Variants in TNFSF4 observed in about 807,000 individuals in gnomAD.
The protein encoded by TNFSF4 is TNF superfamily member 4.
Under a neutral mutation model 7.3 loss-of-function variants are expected in TNFSF4, and 4 were observed. The observed-to-expected ratio is 0.55, with a 90% CI of 0.27 to 1.25. The LOEUF is 1.25. Ranked by LOEUF, TNFSF4 falls within the 50% of genes most tolerant of loss-of-function variation. TNFSF4 has a pLI of 0.12. For missense variants in TNFSF4, 181 were observed against 208.8 expected (o/e 0.87, Z 0.82); for synonymous variants, 76 against 83.7 (o/e 0.91, Z 0.50).
chr1:173,386,353 A>T, the TNFSF4 span, among the ~76,000 whole-genome samples: 1 of 152,210 alleles, frequency 6.6e-6, no homozygotes, highest in South Asian at 2.1e-4. Flanking sequence ...GGAGTTCAAG[A>T]GCTATGAAGT....
intron 1 of TNFSF4, among the ~76,000 whole-genome samples, chr1:173,190,499 G>A (rs1434164151): frequency 6.6e-6 from 1 of 152,184 alleles, no homozygotes; most frequent in Non-Finnish European, 1.5e-5. Flanking sequence ...GCCCTGCCAG[G>A]GACTGGGCTG....
chr1:173,283,157 T>C, the TNFSF4 span, among the ~76,000 whole-genome samples: 1 of 152,176 alleles, frequency 6.6e-6, no homozygotes, highest in African/African-American at 2.4e-5. Context: ...CACTTTAGCC[T>C]ATGTGGTGGG....
At chr1:173,268,940 A>T in the TNFSF4 span, among the ~76,000 whole-genome samples, 1 of 152,124 alleles carries the variant, frequency 6.6e-6, no homozygotes, top group African/African-American at 2.4e-5. Context: ...AGTGGTGCTG[A>T]TAAAGACCAC....
At chr1:173,180,490 C>T (rs1649036344), downstream of TNFSF4, among the ~76,000 whole-genome samples, 1 of 152,122 alleles carries the variant, frequency 6.6e-6, no homozygotes, top group South Asian at 2.1e-4. Context: ...TGCTCTGTCT[C>T]AGGTCTCCTT....
At chr1:173,321,005 G>C in the TNFSF4 span, among the ~76,000 whole-genome samples, 3 of 152,154 alleles carry the variant, frequency 2.0e-5, no homozygotes, top group Admixed American at 1.3e-4. Context: ...AACCAAAAAA[G>C]AGCCCATATA....
the TNFSF4 span, among the ~76,000 whole-genome samples, chr1:173,323,838 G>T: frequency 6.6e-6 from 1 of 152,170 alleles, no homozygotes; most frequent in Admixed American, 6.5e-5. Flanking sequence ...AATGAACAAA[G>T]CCTGCAAGAA....
the TNFSF4 span, among the ~76,000 whole-genome samples, chr1:173,283,392 A>G: frequency 6.6e-6 from 1 of 152,154 alleles, no homozygotes; most frequent in Non-Finnish European, 1.5e-5. Context: ...AGTATTGCAG[A>G]TAACTGAGAA....
the TNFSF4 span, among the ~76,000 whole-genome samples, chr1:173,368,229 T>G: frequency 1.4e-4 from 22 of 152,124 alleles, no homozygotes; most frequent in Admixed American, 1.4e-3. Flanking sequence ...TTCCACACTG[T>G]GGAAGCTTTG....
chr1:173,319,080 C>T, the TNFSF4 span, among the ~76,000 whole-genome samples: 2 of 152,176 alleles, frequency 1.3e-5, no homozygotes, highest in Admixed American at 1.3e-4. Context: ...GCTCAGCAAG[C>T]TAAGAACCAC....
the TNFSF4 span, among the ~76,000 whole-genome samples, chr1:173,327,210 C>T: frequency 6.6e-6 from 1 of 152,166 alleles, no homozygotes; most frequent in East Asian, 1.9e-4. Context: ...AGAAATAACG[C>T]CGCATATCTA....
the TNFSF4 span, among the ~76,000 whole-genome samples, chr1:173,316,209 T>A: frequency 6.6e-6 from 1 of 152,110 alleles, no homozygotes; most frequent in East Asian, 1.9e-4. Flanking sequence ...TTGTCAAAAA[T>A]AAGTTGACCA....
the TNFSF4 span, among the ~76,000 whole-genome samples, chr1:173,335,691 T>G: frequency 6.6e-6 from 1 of 152,206 alleles, no homozygotes; most frequent in African/African-American, 2.4e-5. Context: ...CACAGGGTGA[T>G]GTCCCCTCTA....
chr1:173,308,259 CTCTCTCTT>C, the TNFSF4 span, among the ~76,000 whole-genome samples: 1 of 114,102 alleles, frequency 8.8e-6, no homozygotes, highest in Non-Finnish European at 1.8e-5. Flanking sequence ...TCCCACTCCT[CTCTCTCTT>C]TCTCTCTCTC....
the TNFSF4 span, among the ~76,000 whole-genome samples, chr1:173,435,691 T>C: frequency 2.6e-5 from 4 of 152,244 alleles, no homozygotes; most frequent in Non-Finnish European, 4.4e-5. Flanking sequence ...ATGCAATCAA[T>C]TTAAAATTTC....
At chr1:173,322,344 G>A in the TNFSF4 span, among the ~76,000 whole-genome samples, 2 of 152,084 alleles carry the variant, frequency 1.3e-5, no homozygotes, top group South Asian at 2.1e-4. Flanking sequence ...GGGGGCAAGG[G>A]GAGGGAGAGC....
chr1:173,313,427 C>G, the TNFSF4 span, among the ~76,000 whole-genome samples: 1 of 152,080 alleles, frequency 6.6e-6, no homozygotes, highest in Non-Finnish European at 1.5e-5. Context: ...CGCTTGAGAA[C>G]TCTTTTGGAA....
the TNFSF4 span, among the ~76,000 whole-genome samples, chr1:173,388,806 C>T: frequency 2.6e-5 from 4 of 152,220 alleles, no homozygotes; most frequent in African/African-American, 9.6e-5. Context: ...ATTTCTGTGT[C>T]AATTTCTAAT....
chr1:173,203,330 C>T (rs1488952986), intron 1 of TNFSF4, among the ~76,000 whole-genome samples: 1 of 152,098 alleles, frequency 6.6e-6, no homozygotes, highest in African/African-American at 2.4e-5. Context: ...CCTTTAGAAG[C>T]CTCAAAATGC....
chr1:173,243,214 T>C, the TNFSF4 span, among the ~76,000 whole-genome samples: 1 of 152,180 alleles, frequency 6.6e-6, no homozygotes, highest in South Asian at 2.1e-4. Flanking sequence ...CCATTTGAGA[T>C]ATTCTTCCAC....
Sources: gnomAD v4.1 joint callset for allele counts (sites outside exome capture counted in the v4.1 genomes callset) on GRCh38, gnomAD v4.1.1 for gene constraint, MANE v1.5 for transcripts, NCBI Gene and HGNC (gene_info 2026-07-23, HGNC 2026-07-21) for gene names.